ZMAT4: variants seen among roughly 807,000 people sequenced by gnomAD.
ZMAT4 encodes zinc finger matrin-type protein 4.
A neutral mutation model predicts 28.7 loss-of-function variants in ZMAT4; 17 were observed. That is an observed-to-expected ratio of 0.59 (90% CI 0.41 to 0.89). The LOEUF (loss-of-function observed/expected upper bound fraction) is 0.89, where lower values mean the gene tolerates loss of function less well. Among genes scored for constraint, ZMAT4 ranks in the 40% least tolerant of loss-of-function variants. The pLI, the probability that ZMAT4 is intolerant of heterozygous loss-of-function variation, is 0.00. For missense variants in ZMAT4, 240 were observed against 283.8 expected, an observed-to-expected ratio of 0.85 and a Z score of 1.11; for synonymous variants, 117 against 109.2, an observed-to-expected ratio of 1.07 and a Z score of -0.44.
intron 1 of ZMAT4, among the ~76,000 whole-genome samples, chr8:40,873,654 C>G (rs931250656): frequency 1.3e-5 from 2 of 152,206 alleles, no homozygotes; most frequent in African/African-American, 4.8e-5. Flanking sequence ...AGCCCCCACA[C>G]CTGCCTGCCA....
At chr8:40,731,189 C>T (rs929347367) in intron 3 of ZMAT4, among the ~76,000 whole-genome samples, 4 of 146,550 alleles carry the variant, frequency 2.7e-5, no homozygotes, top group African/African-American at 9.8e-5. Flanking sequence ...GAGGGCGTTC[C>T]AGGGGATTTA....
At chr8:40,879,398 G>A (rs1427023768) in intron 1 of ZMAT4, among the ~76,000 whole-genome samples, 1 of 152,282 alleles carries the variant, frequency 6.6e-6, no homozygotes, top group East Asian at 1.9e-4. Context: ...ACTCCAGCCT[G>A]GGCAACAAAG....
At chr8:40,645,558 T>C (rs1585807940) in intron 5 of ZMAT4, among the ~76,000 whole-genome samples, 1 of 152,160 alleles carries the variant, frequency 6.6e-6, no homozygotes, top group African/African-American at 2.4e-5. Context: ...AAACTTTATG[T>C]CCAGCCATAT....
chr8:40,695,423 G>T (rs1809836198), intron 4 of ZMAT4, among the ~76,000 whole-genome samples: 1 of 152,190 alleles, frequency 6.6e-6, no homozygotes. Context: ...GCAGAAGGGG[G>T]TATAAGCTGG....
At chr8:40,660,743 T>C (rs917242771) in intron 5 of ZMAT4, among the ~76,000 whole-genome samples, 1 of 151,444 alleles carries the variant, frequency 6.6e-6, no homozygotes, top group African/African-American at 2.5e-5. Flanking sequence ...GGGGAAACAT[T>C]TACATAAGAT....
intron 2 of ZMAT4, among the ~76,000 whole-genome samples, chr8:40,820,120 T>A (rs1396978974): frequency 3.3e-5 from 5 of 151,508 alleles, no homozygotes; most frequent in Non-Finnish European, 7.4e-5. Flanking sequence ...AACCCATGCA[T>A]AACATTATGG....
At chr8:40,828,076 C>T (rs141507788) in intron 1 of ZMAT4, among the ~76,000 whole-genome samples, 5 of 152,256 alleles carry the variant, frequency 3.3e-5, no homozygotes, top group East Asian at 3.9e-4. Context: ...GAACAGAATG[C>T]GGGCACTCCG....
At chr8:40,625,529 C>G (rs555860222) in intron 5 of ZMAT4, among the ~76,000 whole-genome samples, 1 of 152,130 alleles carries the variant, frequency 6.6e-6, no homozygotes, top group East Asian at 1.9e-4. Context: ...GCAGAGAATA[C>G]TGGGTTTATA....
At chr8:40,667,347 G>T (rs891393938) in intron 5 of ZMAT4, among the ~76,000 whole-genome samples, 13 of 151,970 alleles carry the variant, frequency 8.6e-5, no homozygotes, top group African/African-American at 2.7e-4. Flanking sequence ...GTAGAGACAG[G>T]GTTTCACAGT....
chr8:40,767,651 C>A lies in ZMAT4; in HGVS notation c.182G>T (p.Arg61Leu). The part of the protein sequence containing the change: ...RDGGCPAKRL[R>L]SENGSDADMV... Reference sequence around the variant, plus strand: ...GTACCAGATACTCACATTTTCTGACCGGAGCCTCTTGGCAGGACACCCTCC... The same window carrying A: ...GTACCAGATACTCACATTTTCTGACAGGAGCCTCTTGGCAGGACACCCTCC... The change falls in exon 3 of 7, where the codon CGG (arginine) becomes CTG (leucine). Residue 61 changes from arginine to leucine, a missense_variant. Physicochemically the swap from Arg to Leu is moderately radical, Grantham distance 102. Coordinates refer to ENST00000297737, the MANE Select transcript of ZMAT4 (RefSeq NM_024645.3). The A allele has an allele frequency of 6.2e-7, 1 of 1,612,336 alleles. No homozygotes were observed. The highest frequency in any genetic ancestry group is 8.5e-7 in the Non-Finnish European group (1 of 1,179,370).
Position 40,697,239 on chromosome 8 carries a change from A to T in ZMAT4, c.349+6T>A. On this transcript the variant is annotated splice_donor_region_variant and intron_variant, in intron 4 of 6. Transcript: ENST00000297737. ...GTCTCCCCACGATCACTGTTCCTGCACGTACCTGTGGTCTTTAATGGGGTC... is the reference window on the plus strand; with the variant it reads ...GTCTCCCCACGATCACTGTTCCTGCTCGTACCTGTGGTCTTTAATGGGGTC... The T allele has an allele frequency of 6.2e-7, 1 of 1,601,544 alleles. No individual in the cohort carries two copies.
intron 5 of ZMAT4, among the ~76,000 whole-genome samples, chr8:40,650,162 A>G (rs1807566564): frequency 6.6e-6 from 1 of 152,218 alleles, no homozygotes; most frequent in Non-Finnish European, 1.5e-5. Flanking sequence ...GGATCAACTA[A>G]ATTGATAGAC....
Position 40,897,695 on chromosome 8 carries a change from G to GC in ZMAT4, c.-18dup, listed in dbSNP as rs1349857904. ...CAGGCAGAGGTACCTTTTCCGCGAG[G>GC]CAGAGGGGCCGCCGGTGCCCAGAGG... is the stretch of plus-strand genomic sequence containing the variant. On this transcript the variant is annotated 5_prime_UTR_variant, in exon 1 of 7. Transcript: ENST00000297737. 18 of 152,378 alleles carry GC rather than the reference G, an allele frequency of 1.2e-4. No individual in the cohort carries two copies. The highest frequency in any genetic ancestry group is 4.3e-4 in the African/African-American group (18 of 41,468). The allele number at this position is 152,378 out of a possible 1,614,324, so 9.4% of individuals were successfully genotyped here.
intron 1 of ZMAT4, among the ~76,000 whole-genome samples, chr8:40,868,462 C>T (rs1452971935): frequency 6.6e-6 from 1 of 152,168 alleles, no homozygotes; most frequent in Non-Finnish European, 1.5e-5. Context: ...TGTCTGAGGG[C>T]TTATCCCAGC....
At chr8:40,820,158 A>G (rs973556095) in intron 2 of ZMAT4, among the ~76,000 whole-genome samples, 18 of 147,350 alleles carry the variant, frequency 1.2e-4, no homozygotes, top group Admixed American at 5.4e-4. Flanking sequence ...ATATGCGAAT[A>G]TGTGTGTGTG....
chr8:40,559,355 G>A lies in ZMAT4; in HGVS notation c.674+21810C>T, dbSNP rs532067023. Reference sequence around the variant, plus strand: ...AGTCTCCACCTCAAAGCGAACATGGGACACATGTAACATGCATGTTTGTTC... The same window carrying A: ...AGTCTCCACCTCAAAGCGAACATGGAACACATGTAACATGCATGTTTGTTC... On this transcript the variant is annotated intron_variant, in intron 6 of 6. Transcript: ENST00000297737. Among the ~76,000 whole-genome samples the A allele has an allele frequency of 2.0e-5, 3 of 152,224 alleles. No homozygotes were observed. In the South Asian group the frequency reaches 6.2e-4, roughly 32 times the overall value.
intron 2 of ZMAT4, among the ~76,000 whole-genome samples, chr8:40,799,535 T>A (rs1270490814): frequency 6.6e-6 from 1 of 152,200 alleles, no homozygotes; most frequent in Non-Finnish European, 1.5e-5. Flanking sequence ...CTGAAGGGTT[T>A]TCCATTTGAA....
intron 5 of ZMAT4, among the ~76,000 whole-genome samples, chr8:40,617,799 G>C (rs1806062969): frequency 6.6e-6 from 1 of 152,160 alleles, no homozygotes; most frequent in African/African-American, 2.4e-5. Context: ...AGGGCAAGAT[G>C]ATGTACAATA....
In ZMAT4 at chr8:40,700,406, C is replaced by CTTTTTTTTTTTTT. The variant is rs749363248; in HGVS notation, c.193-3006_193-3005insAAAAAAAAAAAAA. On this transcript the variant is annotated intron_variant, in intron 3 of 6. Transcript: ENST00000297737. Reference sequence around the variant, plus strand: ...TCACTTCCTTGAGGGGAAGCTGCTGCTTTTCTTTTTTTTTTTTTTTTTTTT... The same window carrying CTTTTTTTTTTTTT: ...TCACTTCCTTGAGGGGAAGCTGCTGCTTTTTTTTTTTTTTTTTCTTTTTTTTTTTTTTTTTTTT... Among the ~76,000 whole-genome samples, 4 of 60,768 alleles carry CTTTTTTTTTTTTT rather than the reference C, an allele frequency of 6.6e-5. 2 individuals are homozygous for CTTTTTTTTTTTTT. Among genetic ancestry groups the CTTTTTTTTTTTTT allele is most frequent in the African/African-American group, 1.2e-4 (2 of 17,262 alleles). 39.9% of individuals were successfully genotyped at this position (60,768 alleles called of 152,430 possible).
Sources: gnomAD v4.1 joint callset for allele counts (sites outside exome capture counted in the v4.1 genomes callset) on GRCh38, gnomAD v4.1.1 for gene constraint, MANE v1.5 for transcripts, NCBI Gene and HGNC (gene_info 2026-07-23, HGNC 2026-07-21) for gene names.